CCDC50: variants seen among roughly 807,000 people sequenced by gnomAD.
CCDC50 encodes coiled-coil domain containing 50, also known as coiled-coil domain-containing protein 50.
CCDC50 carries 54 observed loss-of-function variants against 70.2 expected under a neutral mutation model. The ratio of observed to expected loss-of-function variants is 0.77; its 90% CI spans 0.62 to 0.96. CCDC50 has a LOEUF of 0.96. Ranked by LOEUF, CCDC50 falls within the 50% of genes least tolerant of loss-of-function variation. The pLI, the probability that CCDC50 is intolerant of heterozygous loss-of-function variation, is 0.00. For synonymous variants in CCDC50, 216 were observed against 198.8 expected (o/e 1.09, Z -0.73); for missense variants, 558 against 578.7 (o/e 0.96, Z 0.37).
At position 191,391,989 on chromosome 3, in the gene CCDC50, C is replaced by CCTG; in HGVS notation, c.*229_*230insCTG. The stretch of plus-strand genomic sequence containing the variant: ...CTTCTGAATATTGGCCACCTCTATG[C>CCTG]TGCATATACTTCTTGGGATATAGTA... On this transcript the variant is annotated 3_prime_UTR_variant, in exon 12 of 12. Coordinates refer to ENST00000392455, the MANE Select transcript of CCDC50 (RefSeq NM_178335.3). 1.8e-6 allele frequency: 1 copy of CCTG among 546,796 alleles called. No individual in the cohort carries two copies. Among genetic ancestry groups the CCTG allele is most frequent in the South Asian group, 2.2e-5 (1 of 45,596 alleles). The allele number at this position is 546,796 out of a possible 1,614,324, so 33.9% of individuals were successfully genotyped here.
chr3:191,385,230 G>A (rs1208389758), intron 10 of CCDC50, among the ~76,000 whole-genome samples: 1 of 152,136 alleles, frequency 6.6e-6, no homozygotes, highest in Non-Finnish European at 1.5e-5. Context: ...TCTTTGAGAA[G>A]TCTCCAAACC....
chr3:191,332,946 C>T (rs973155991), intron 1 of CCDC50, among the ~76,000 whole-genome samples: 2 of 152,198 alleles, frequency 1.3e-5, no homozygotes, highest in African/African-American at 4.8e-5. Context: ...TAGAGCTTTA[C>T]CACTTTTAGC....
At chr3:191,360,999 G>A (rs892521777) in intron 3 of CCDC50, 70 bp from the exon 4 acceptor site, 9 of 1,025,460 alleles carry the variant, frequency 8.8e-6, no homozygotes, top group Non-Finnish European at 1.4e-5. Flanking sequence ...TCAATAAATT[G>A]TATTTATTAC....
At chr3:191,357,915 G>T (rs1333949509) in intron 2 of CCDC50, 83 bp from the exon 3 acceptor site, 6 of 1,561,574 alleles carry the variant, frequency 3.8e-6, no homozygotes, top group Non-Finnish European at 5.3e-6. Context: ...TGTTGTTATG[G>T]TAAAGCTCTT....
chr3:191,334,659 C>T (rs1718085463), intron 1 of CCDC50, among the ~76,000 whole-genome samples: 1 of 152,110 alleles, frequency 6.6e-6, no homozygotes, highest in Non-Finnish European at 1.5e-5. Flanking sequence ...TTATTCTTCC[C>T]TCCATTTCTT....
intron 3 of CCDC50, among the ~76,000 whole-genome samples, chr3:191,360,302 T>G (rs1712439137): frequency 6.6e-6 from 1 of 152,356 alleles, no homozygotes; most frequent in Admixed American, 6.5e-5. Flanking sequence ...CTTCACTTAT[T>G]TATTTTCTGT....
intron 1 of CCDC50, among the ~76,000 whole-genome samples, chr3:191,351,413 T>G (rs1051033395): frequency 7.1e-6 from 1 of 141,260 alleles, no homozygotes; most frequent in African/African-American, 2.5e-5. Flanking sequence ...TATACAAATT[T>G]TGTCTCTATT....
At chr3:191,380,134 A>G (rs1169107259) in intron 6 of CCDC50, 25 bp from the exon 7 acceptor site, 1 of 1,313,706 alleles carries the variant, frequency 7.6e-7, no homozygotes, top group Non-Finnish European at 1.1e-6. Flanking sequence ...GTTTTATTAC[A>G]TTGAGTTTTT....
chr3:191,362,716 C>T (rs1712536070), intron 4 of CCDC50, among the ~76,000 whole-genome samples: 1 of 152,166 alleles, frequency 6.6e-6, no homozygotes, highest in African/African-American at 2.4e-5. Flanking sequence ...AAACAGCCTA[C>T]ATACACTGCT....
intron 1 of CCDC50, among the ~76,000 whole-genome samples, chr3:191,346,241 T>A (rs115227932): frequency 5.6e-4 from 85 of 152,310 alleles, no homozygotes; most frequent in Admixed American, 1.6e-3. Flanking sequence ...TATATTAGAA[T>A]AAAAACATGT....
rs75123867 is a variant in CCDC50, at chr3:191,375,496, G to T, written c.883G>T (p.Asp295Tyr). Residue 295 changes from aspartate (D) to tyrosine (Y), a missense_variant, in exon 6 of 12, where the codon GAC becomes TAC. Transcript: ENST00000392455. ...CTGCAAGGAAGTTGTATATGGGAGG[G>T]ACCATGGGCAAGGTGAGCACAGAAA... ...LHCKEVVYGR[D>Y]HGQGEHRKRR... 1.6e-3 allele frequency: 2,567 copies of T among 1,613,652 alleles called. 70 individuals are homozygous for T. In the East Asian group the frequency reaches 0.054, roughly 34 times the overall value.
At chr3:191,372,375 A>G (rs1211953850) in intron 5 of CCDC50, among the ~76,000 whole-genome samples, 2 of 152,122 alleles carry the variant, frequency 1.3e-5, no homozygotes, top group Non-Finnish European at 2.9e-5. Flanking sequence ...TTGGGAGGTT[A>G]TGTTTTGTTG....
rs1713914131 is a variant in CCDC50, at chr3:191,397,941, GA to G, written c.*6183del. 6.6e-6 allele frequency: 1 copy of G among 152,256 alleles called. No homozygotes were observed. The highest frequency in any genetic ancestry group is 2.4e-5 in the African/African-American group (1 of 41,452). 9.4% of individuals were successfully genotyped at this position (152,256 alleles called of 1,614,324 possible). On this transcript the variant is annotated 3_prime_UTR_variant, in exon 12 of 12. Transcript: ENST00000392455. Reference sequence around the variant, plus strand: ...CCACATGCCTATCTAGAGATTAAGTGAATTTGTGAGGGACATTTTGTGGATG... The same window carrying G: ...CCACATGCCTATCTAGAGATTAAGTGATTTGTGAGGGACATTTTGTGGATG...
rs571149341 is a variant in CCDC50 at position 191,359,465 on chromosome 3, T to C, written c.239+1341T>C. The stretch of plus-strand genomic sequence containing the variant: ...GTTATGTTAAAGATTTCAGGTTTTG[T>C]AGATTTTAAATTATAAGGAATGGAG... On this transcript the variant is annotated intron_variant, in intron 3 of 11. Coordinates refer to ENST00000392455, the MANE Select transcript of CCDC50 (RefSeq NM_178335.3). Among the ~76,000 whole-genome samples, 12 of 152,310 alleles carry C rather than the reference T, an allele frequency of 7.9e-5. No individual in the cohort carries two copies. In the East Asian group the frequency reaches 2.3e-3, roughly 29 times the overall value.
chr3:191,389,853 C>CTTTTT lies in CCDC50; in HGVS notation c.1429+272_1429+276dup, dbSNP rs10635756. On this transcript the variant is annotated intron_variant, in intron 11 of 11. Coordinates refer to ENST00000392455, the MANE Select transcript of CCDC50 (RefSeq NM_178335.3). ...GAGCACAACGCTTTCATCAAATTCA[C>CTTTTT]TTTTTTTTTTTTTTTTTTTTTTTTT... 1.8e-3 allele frequency among the ~76,000 whole-genome samples: 153 copies of CTTTTT among 84,626 alleles called. 3 individuals carry two copies. Among genetic ancestry groups the CTTTTT allele is most frequent in the African/African-American group, 2.3e-3 (46 of 20,222 alleles). The allele number at this position is 84,626 out of a possible 152,430, so 55.5% of individuals were successfully genotyped here.
intron 1 of CCDC50, among the ~76,000 whole-genome samples, chr3:191,355,652 A>G (rs1336610842): frequency 6.6e-6 from 1 of 152,170 alleles, no homozygotes; most frequent in Non-Finnish European, 1.5e-5. Context: ...TCTTGAAACT[A>G]CTTTTATTCT....
At chr3:191,338,120 T>C (rs1380298564) in intron 1 of CCDC50, among the ~76,000 whole-genome samples, 1 of 152,188 alleles carries the variant, frequency 6.6e-6, no homozygotes, top group Non-Finnish European at 1.5e-5. Flanking sequence ...ATAGTAAAAC[T>C]ATGAATGACT....
rs568146091 is a variant in CCDC50, at chr3:191,343,095, T to G, written c.49+13372T>G. On this transcript the variant is annotated intron_variant, in intron 1 of 11. Transcript: ENST00000392455. ...GGCGGGATGCAAGGCCTGTGTATACTGAGGGACTTTTCATATACCTGAGTT... is the reference window on the plus strand; with the variant it reads ...GGCGGGATGCAAGGCCTGTGTATACGGAGGGACTTTTCATATACCTGAGTT... Among the ~76,000 whole-genome samples the G allele has an allele frequency of 3.3e-5, 5 of 152,294 alleles. No homozygotes were observed. In the East Asian group the frequency reaches 9.6e-4, roughly 29 times the overall value.
intron 6 of CCDC50, 46 bp downstream of exon 6, chr3:191,375,635 AC>A (rs1193980238): frequency 6.3e-7 from 1 of 1,584,998 alleles, no homozygotes; most frequent in Middle Eastern, 1.8e-4. Context: ...CATGTATATA[AC>A]TACAAACCAA....
Sources: allele counts gnomAD v4.1 joint callset (sites outside exome capture counted in the v4.1 genomes callset), GRCh38; gene constraint gnomAD v4.1.1; transcripts MANE v1.5; gene names NCBI Gene and HGNC (gene_info 2026-07-23, HGNC 2026-07-21).